TMED5: variants seen among roughly 807,000 people sequenced by gnomAD.
The protein encoded by TMED5 is transmembrane p24 trafficking protein 5.
In TMED5, 27 loss-of-function variants were observed where a neutral mutation model predicts 23.0. The observed-to-expected ratio is 1.17, with a 90% confidence interval of 0.86 to 1.62. TMED5 has a LOEUF of 1.62. Among genes scored for constraint, TMED5 ranks in the 40% most tolerant of loss-of-function variants. The pLI is 0.00. For missense variants in TMED5, 248 were observed against 273.7 expected (o/e 0.91, Z 0.66); for synonymous variants, 97 against 100.8 (o/e 0.96, Z 0.23).
chr1:93,170,428 C>T (rs986664432), intron 1 of TMED5, among the ~76,000 whole-genome samples: 6 of 152,186 alleles, frequency 3.9e-5, no homozygotes, highest in Non-Finnish European at 7.4e-5. Context: ...CTGCTGTGCT[C>T]GATTTCTCGC....
At chr1:93,179,559 C>A (rs573279091) in intron 1 of TMED5, among the ~76,000 whole-genome samples, 286 of 152,252 alleles carry the variant, frequency 1.9e-3, no homozygotes, top group Non-Finnish European at 3.0e-3. Context: ...GGGCTTAATG[C>A]CAATTACACG....
chr1:93,158,104 CAG>C (rs976555134), intron 2 of TMED5, among the ~76,000 whole-genome samples: 6 of 119,018 alleles, frequency 5.0e-5, no homozygotes, highest in African/African-American at 1.7e-4. Flanking sequence ...AGCTGGGCAA[CAG>C]AGTGAGACTC....
intron 3 of TMED5, 113 bp from the exon 4 acceptor site, chr1:93,155,001 G>C: frequency 1.3e-6 from 1 of 750,790 alleles, no homozygotes; most frequent in Non-Finnish European, 2.1e-6. Context: ...AACTTTGGGA[G>C]ACTAGGGCAG....
In TMED5 at chr1:93,180,378, G is replaced by C. The variant is rs1649313575; in HGVS notation, c.-136C>G. 8.0e-7 allele frequency: 1 copy of C among 1,253,598 alleles called. No individual in the cohort carries two copies. The highest frequency in any genetic ancestry group is 2.7e-5 in the East Asian group (1 of 36,900). 77.7% of individuals were successfully genotyped at this position (1,253,598 alleles called of 1,614,324 possible). A position where few individuals can be genotyped will look rare whatever the true frequency, so the allele number is the denominator to read the frequency against. On this transcript the variant is annotated 5_prime_UTR_variant, in exon 1 of 4. Transcript: ENST00000370282. ...ACTCCAGGTGGCGGCCGCGGCGGCG[G>C]CGAACACTCCCTCCGAAAGAGAAGC...
rs1258187210 is a variant in TMED5, at chr1:93,153,836, C to T, written c.*834G>A. 6.6e-6 allele frequency: 1 copy of T among 152,050 alleles called. No homozygotes were observed. The highest frequency in any genetic ancestry group is 6.5e-5 in the Admixed American group (1 of 15,270). 9.4% of individuals were successfully genotyped at this position (152,050 alleles called of 1,614,324 possible). A position where few individuals can be genotyped will look rare whatever the true frequency, so the allele number is the denominator to read the frequency against. On this transcript the variant is annotated 3_prime_UTR_variant, in exon 4 of 4. Coordinates refer to ENST00000370282, the MANE Select transcript of TMED5 (RefSeq NM_016040.5). ...ATTATTAACTGTTGACAGATATTAA[C>T]TTGACAGATACTATTAAAAATAAAC... is the stretch of plus-strand genomic sequence containing the variant.
At chr1:93,160,286 A>C in intron 1 of TMED5, 60 bp from the exon 2 acceptor site, 1 of 967,396 alleles carries the variant, frequency 1.0e-6, no homozygotes, top group East Asian at 2.5e-5. Flanking sequence ...AAAAAATTAT[A>C]TACAGTAGAT....
intron 1 of TMED5, 31 bp from the exon 2 acceptor site, chr1:93,160,257 T>G: frequency 7.4e-7 from 1 of 1,346,756 alleles, no homozygotes; most frequent in Non-Finnish European, 1.1e-6. Flanking sequence ...GAAAAACATA[T>G]ATTACAAATT....
At chr1:93,160,322 T>C in intron 1 of TMED5, 96 bp from the exon 2 acceptor site, 1 of 679,788 alleles carries the variant, frequency 1.5e-6, no homozygotes, top group Non-Finnish European at 2.5e-6. Context: ...TTATCTAAGC[T>C]AGAGAGGTAA....
In TMED5 at chr1:93,154,716, T is replaced by C. The variant is rs1647995147; in HGVS notation, c.644A>G (p.Tyr215Cys). The stretch of plus-strand genomic sequence containing the variant: ...ATCTTCAAACAGACTCTTCAGCATA[T>C]AAACTTGAATGGCTGACACCACCAC... Reference protein sequence around the residue: ...VMVVVSAIQVYMLKSLFEDKR... With the variant: ...VMVVVSAIQVCMLKSLFEDKR... The change falls in exon 4 of 4, where the codon TAT (tyrosine) becomes TGT (cysteine). Residue 215 changes from tyrosine (Y) to cysteine (C), a missense_variant. Physicochemically the swap from Tyr to Cys is radical, Grantham distance 194. Coordinates refer to ENST00000370282, the MANE Select transcript of TMED5 (RefSeq NM_016040.5). 1.2e-6 allele frequency: 2 copies of C among 1,614,038 alleles called. No individual in the cohort carries two copies. The highest frequency in any genetic ancestry group is 1.7e-6 in the Non-Finnish European group (2 of 1,180,008).
Position 93,154,886 on chromosome 1 carries a change from T to C in TMED5, c.474A>G (p.Glu158=). Residue 158 remains glutamate, a splice_region_variant and synonymous_variant, in exon 4 of 4, where the codon GAA becomes GAG. Transcript: ENST00000370282. The stretch of plus-strand genomic sequence containing the variant: ...GTCTGGACTTGATGCTGTTGATGGA[T>C]TCCTGGAGATAAATAAAATAATTTT... ...ILDMKLEDIL[E]SINSIKSRLS... is the part of the protein sequence containing the mutation. The C allele has an allele frequency of 1.3e-6, 2 of 1,556,272 alleles. No homozygotes were observed. Among genetic ancestry groups the C allele is most frequent in the Non-Finnish European group, 1.7e-6 (2 of 1,146,748 alleles).
chr1:93,179,514 T>C (rs1649175282), intron 1 of TMED5, among the ~76,000 whole-genome samples: 1 of 152,206 alleles, frequency 6.6e-6, no homozygotes, highest in Non-Finnish European at 1.5e-5. Flanking sequence ...TATCATTAAA[T>C]ATAGCAACAG....
intron 1 of TMED5, among the ~76,000 whole-genome samples, chr1:93,169,594 G>GA (rs71094237): frequency 0.88 from 128,965 of 146,128 alleles, 59,062 homozygotes; most frequent in Non-Finnish European, 0.99. Context: ...AATCAACGCA[G>GA]AAAAAAAAAA....
chr1:93,154,814 A>G lies in TMED5; in HGVS notation c.546T>C (p.Ala182=). The part of the protein sequence containing the change: ...HIQTLLRAFE[A]RDRNIQESNF... ...TGCTTTCTTGTATGTTTCGATCACG[A>G]GCTTCAAATGCTCTAAGCAGAGTTT... The change falls in exon 4 of 4, where the codon GCT becomes GCC. Residue 182 remains alanine (A), a synonymous_variant. Coordinates refer to ENST00000370282, the MANE Select transcript of TMED5 (RefSeq NM_016040.5). 1 of 1,614,134 alleles carries G rather than the reference A, an allele frequency of 6.2e-7. No homozygotes were observed. The highest frequency in any genetic ancestry group is 8.5e-7 in the Non-Finnish European group (1 of 1,180,000).
chr1:93,160,853 A>G (rs982752113), intron 1 of TMED5: 1 of 113,946 alleles, frequency 8.8e-6, no homozygotes, highest in Non-Finnish European at 1.8e-5. Flanking sequence ...TGCCCCCCCA[A>G]AAAAAGACTT....
chr1:93,173,082 G>A (rs1454286976), intron 1 of TMED5, among the ~76,000 whole-genome samples: 1 of 152,094 alleles, frequency 6.6e-6, no homozygotes, highest in African/African-American at 2.4e-5. Context: ...ATAGGGAGCT[G>A]TTGATCACAG....
At chr1:93,160,281 AT>A in intron 1 of TMED5, 55 bp from the exon 2 acceptor site, 1 of 1,061,220 alleles carries the variant, frequency 9.4e-7, no homozygotes, top group Non-Finnish European at 1.4e-6. Context: ...GAAATAAAAA[AT>A]TATATACAGT....
At chr1:93,157,416 T>C (rs1216456316) in intron 2 of TMED5, among the ~76,000 whole-genome samples, 1 of 152,170 alleles carries the variant, frequency 6.6e-6, no homozygotes, top group Non-Finnish European at 1.5e-5. Context: ...TAGTTAAAAT[T>C]AGTTTCCCAT....
rs1647989632 is a variant in TMED5 at position 93,154,649 on chromosome 1, T to A, written c.*21A>T. Reference sequence around the variant, plus strand: ...ATTTTTATGCCTCATTTTTCAATGTTACGTACTCTAGTTTGGAGTTTTAAG... The same window carrying A: ...ATTTTTATGCCTCATTTTTCAATGTAACGTACTCTAGTTTGGAGTTTTAAG... On this transcript the variant is annotated 3_prime_UTR_variant, in exon 4 of 4. Coordinates refer to ENST00000370282, the MANE Select transcript of TMED5 (RefSeq NM_016040.5). 6.4e-7 allele frequency: 1 copy of A among 1,569,150 alleles called. No individual in the cohort carries two copies. The highest frequency in any genetic ancestry group is 2.2e-5 in the East Asian group (1 of 44,610).
At position 93,151,334 on chromosome 1, in the gene TMED5, CAA is replaced by C; in HGVS notation, c.*3334_*3335del. ...TGACCAAATAATAACCTACCTACAC[CAA>C]GCATTGTACTTTTCCTATATGCTAA... On this transcript the variant is annotated 3_prime_UTR_variant, in exon 4 of 4. Transcript: ENST00000370282. The C allele has an allele frequency of 6.6e-6, 1 of 152,270 alleles. No homozygotes were observed. The highest frequency in any genetic ancestry group is 2.1e-4 in the South Asian group (1 of 4,822). 9.4% of individuals were successfully genotyped at this position (152,270 alleles called of 1,614,324 possible). A position where few individuals can be genotyped will look rare whatever the true frequency, so the allele number is the denominator to read the frequency against.
Sources: allele counts gnomAD v4.1 joint callset (sites outside exome capture counted in the v4.1 genomes callset), GRCh38; gene constraint gnomAD v4.1.1; transcripts MANE v1.5; gene names NCBI Gene and HGNC (gene_info 2026-07-23, HGNC 2026-07-21).